Variants in SPIRE2 observed in about 807,000 individuals in gnomAD.
SPIRE2 encodes protein spire homolog 2.
In SPIRE2, 76 loss-of-function variants were observed where a neutral mutation model predicts 80.7. That is an observed-to-expected ratio of 0.94 (90% CI 0.78 to 1.14). The LOEUF (loss-of-function observed/expected upper bound fraction) is 1.14, where lower values mean the gene tolerates loss of function less well. Ranked by LOEUF, SPIRE2 falls within the 50% of genes most tolerant of loss-of-function variation. The pLI is 0.00. For synonymous variants in SPIRE2, 535 were observed against 432.6 expected (o/e 1.24, Z -2.94); for missense variants, 1,196 against 1,015.3 (o/e 1.18, Z -2.42).
At chr16:89,869,997 G>T (rs946989801) in intron 14 of SPIRE2, 53 bp from the exon 15 acceptor site, 12 of 1,493,256 alleles carry the variant, frequency 8.0e-6, no homozygotes, top group Non-Finnish European at 1.0e-5. Flanking sequence ...CAGGGAGGGG[G>T]GTGTGGCACC....
At position 89,867,587 on chromosome 16, in the gene SPIRE2, ATTT is replaced by A. The variant is rs71137685; in HGVS notation, c.1779-589_1779-587del. On this transcript the variant is annotated intron_variant, in intron 12 of 14. Coordinates refer to ENST00000378247, the MANE Select transcript of SPIRE2 (RefSeq NM_032451.2). ...CTGCTTAAGAGGGACTTTTACCACC[ATTT>A]TTTTTTTTTTTTGAGACAGAGTTTC... is the stretch of plus-strand genomic sequence containing the variant. Among the ~76,000 whole-genome samples the A allele has an allele frequency of 1.3e-3, 182 of 139,604 alleles. 1 individual carries two copies. The highest frequency in any genetic ancestry group is 4.7e-3 in the African/African-American group (179 of 37,846). The allele number at this position is 139,604 out of a possible 152,430, so 91.6% of individuals were successfully genotyped here.
rs2143819823 is a variant in SPIRE2, at chr16:89,859,199, A to G, written c.1307A>G (p.Lys436Arg). The change falls in exon 9 of 15, where the codon AAA (lysine) becomes AGA (arginine). Residue 436 changes from lysine (K) to arginine (R), a missense_variant. Lys to Arg is a conservative substitution (Grantham distance 26). Coordinates refer to ENST00000378247, the MANE Select transcript of SPIRE2 (RefSeq NM_032451.2). The stretch of plus-strand genomic sequence containing the variant: ...TCTCCGTGTGGGGAGGTGACGCTGA[A>G]ACGGGACCGCTCCTTCTCAGAGCAT... ...EESPCGEVTLKRDRSFSEHDL... is the reference protein window; with the variant it reads ...EESPCGEVTLRRDRSFSEHDL... 1.9e-6 allele frequency: 3 copies of G among 1,598,024 alleles called. No individual in the cohort carries two copies. Among genetic ancestry groups the G allele is most frequent in the Non-Finnish European group, 2.6e-6 (3 of 1,171,608 alleles).
chr16:89,840,581 G>A lies in SPIRE2; in HGVS notation c.245-4741G>A, dbSNP rs1003837443. On this transcript the variant is annotated intron_variant, in intron 1 of 14. Transcript: ENST00000378247. ...TTCAAAGTTATATTTTAATGTTACC[G>A]TAATGTTTCTCTCAAAAGTTGGAGA... Among the ~76,000 whole-genome samples the A allele has an allele frequency of 1.2e-4, 18 of 150,340 alleles. No individual in the cohort carries two copies. In the East Asian group the frequency reaches 2.2e-3, roughly 18 times the overall value.
Position 89,870,274 on chromosome 16 carries a change from A to AGCCCCAGGTGGCCAGGCCTCCAGGAG in SPIRE2, c.*5_*30dup. On this transcript the variant is annotated 3_prime_UTR_variant, in exon 15 of 15. Transcript: ENST00000378247. ...ACCAGGACTCTTGACTTCAAGTGAC[A>AGCCCCAGGTGGCCAGGCCTCCAGGAG]GCCCCAGGTGGCCAGGCCTCCAGGA... is the stretch of plus-strand genomic sequence containing the variant. 1.9e-6 allele frequency: 3 copies of AGCCCCAGGTGGCCAGGCCTCCAGGAG among 1,585,808 alleles called. No individual in the cohort carries two copies. The highest frequency in any genetic ancestry group is 2.6e-6 in the Non-Finnish European group (3 of 1,165,726).
chr16:89,859,141 G>C, intron 8 of SPIRE2, 24 bp from the exon 9 acceptor site: 1 of 1,525,754 alleles, frequency 6.6e-7, no homozygotes, highest in Non-Finnish European at 8.9e-7. Context: ...TGTCAGGGCA[G>C]GGCCGCGTCT....
chr16:89,835,149 C>T (rs918698470), intron 1 of SPIRE2, among the ~76,000 whole-genome samples: 3 of 151,438 alleles, frequency 2.0e-5, no homozygotes, highest in Admixed American at 6.6e-5. Context: ...CCCGCACTCA[C>T]GGTTGGCCGT....
At position 89,870,612 on chromosome 16, in the gene SPIRE2, G is replaced by T; in HGVS notation, c.*340G>T. On this transcript the variant is annotated 3_prime_UTR_variant, in exon 15 of 15. Transcript: ENST00000378247. ...TTCCCATGCTCTTCTCCGTCCCCAG[G>T]AATGCGAACGGCAGTTTCCCTTCCC... 1 of 205,052 alleles carries T rather than the reference G, an allele frequency of 4.9e-6. No individual in the cohort carries two copies. 12.7% of individuals were successfully genotyped at this position (205,052 alleles called of 1,614,324 possible). A position where few individuals can be genotyped will look rare whatever the true frequency, so the allele number is the denominator to read the frequency against.
intron 1 of SPIRE2, among the ~76,000 whole-genome samples, chr16:89,842,112 C>T (rs1478572721): frequency 1.3e-5 from 2 of 151,986 alleles, no homozygotes; most frequent in African/African-American, 2.4e-5. Flanking sequence ...AGGCCTCTGT[C>T]GGCCCCCAAG....
chr16:89,854,585 G>T lies in SPIRE2; in HGVS notation c.825G>T (p.Gln275His), dbSNP rs193226518. 1 of 1,611,138 alleles carries T rather than the reference G, an allele frequency of 6.2e-7. No homozygotes were observed. Among genetic ancestry groups the T allele is most frequent in the Non-Finnish European group, 8.5e-7 (1 of 1,179,100 alleles). Residue 275 changes from glutamine to histidine, a missense_variant, in exon 5 of 15, where the codon CAG (glutamine) becomes CAT (histidine). By Grantham distance (24) the Gln-to-His change is conservative. Coordinates refer to ENST00000378247, the MANE Select transcript of SPIRE2 (RefSeq NM_032451.2). ...QEFNPLPTEF[Q>H]LTPFEMLMQD... Reference sequence around the variant, plus strand: ...TCAACCCCCTCCCCACCGAGTTCCAGCTCACGCCCTTCGAGATGCTGATGC... The same window carrying T: ...TCAACCCCCTCCCCACCGAGTTCCATCTCACGCCCTTCGAGATGCTGATGC...
chr16:89,863,711 G>C lies in SPIRE2; in HGVS notation c.1711-83G>C. On this transcript the variant is annotated intron_variant, in intron 11 of 14. Transcript: ENST00000378247. This position sits in a 1 kb window ranked among gnomAD's most constrained non-coding sequence, Gnocchi z 4.3. Reference sequence around the variant, plus strand: ...GACTGTTTGCTCATGATCTGGTTGGGAGCCCTGAGGGGGTAGCAGGGACAG... The same window carrying C: ...GACTGTTTGCTCATGATCTGGTTGGCAGCCCTGAGGGGGTAGCAGGGACAG... 6.2e-7 allele frequency: 1 copy of C among 1,608,242 alleles called. No homozygotes were observed. The highest frequency in any genetic ancestry group is 2.2e-5 in the East Asian group (1 of 44,842).
chr16:89,863,938 C>T lies in SPIRE2; in HGVS notation c.1778+77C>T. Reference sequence around the variant, plus strand: ...CCTCGGGGCAGTACCGCCCACAGAACTTCCTGTGATTCCAGGAATGTTCTA... The same window carrying T: ...CCTCGGGGCAGTACCGCCCACAGAATTTCCTGTGATTCCAGGAATGTTCTA... On this transcript the variant is annotated intron_variant, in intron 12 of 14. Transcript: ENST00000378247. This position sits in a 1 kb window ranked among gnomAD's most constrained non-coding sequence, Gnocchi z 4.3. The T allele has an allele frequency of 9.1e-7, 1 of 1,104,836 alleles. No individual in the cohort carries two copies. The highest frequency in any genetic ancestry group is 1.3e-6 in the Non-Finnish European group (1 of 745,322). 68.4% of individuals were successfully genotyped at this position (1,104,836 alleles called of 1,614,324 possible). A position where few individuals can be genotyped will look rare whatever the true frequency, so the allele number is the denominator to read the frequency against.
At position 89,863,873 on chromosome 16, in the gene SPIRE2, C is replaced by T. The variant is rs776983615; in HGVS notation, c.1778+12C>T. 23 of 1,609,428 alleles carry T rather than the reference C, an allele frequency of 1.4e-5. No homozygotes were observed. The South Asian group carries it at 2.5e-4, about 18-fold the overall frequency. ...CTCTTCTGCAAGAGGTGAGCCTTCC[C>T]TTTAGCTGTCAGTTCACAAGGGAAG... On this transcript the variant is annotated intron_variant, in intron 12 of 14. Transcript: ENST00000378247. This position sits in a 1 kb window ranked among gnomAD's most constrained non-coding sequence, Gnocchi z 4.3.
At chr16:89,848,554 G>A (rs1359346315) in intron 2 of SPIRE2, among the ~76,000 whole-genome samples, 3 of 146,588 alleles carry the variant, frequency 2.0e-5, no homozygotes, top group Non-Finnish European at 3.1e-5. Flanking sequence ...GACGAGGCAG[G>A]TTCCAGGGCC....
intron 1 of SPIRE2, among the ~76,000 whole-genome samples, chr16:89,840,024 C>G (rs2041489172): frequency 6.6e-6 from 1 of 152,202 alleles, no homozygotes; most frequent in Admixed American, 6.5e-5. Flanking sequence ...GCAAGACACC[C>G]AGCGCCAGTA....
chr16:89,831,508 C>CT (rs1274720829), intron 1 of SPIRE2, among the ~76,000 whole-genome samples: 1 of 149,938 alleles, frequency 6.7e-6, no homozygotes, highest in Admixed American at 6.6e-5. Context: ...CGCCATTCTC[C>CT]TGCCTCAGCG....
At chr16:89,836,283 G>GT (rs2041448606) in intron 1 of SPIRE2, 1 of 455,844 alleles carries the variant, frequency 2.2e-6, no homozygotes. Flanking sequence ...AACTGCCACT[G>GT]TAAGCTCCTC....
At position 89,850,344 on chromosome 16, in the gene SPIRE2, A is replaced by T. The variant is rs2041610770; in HGVS notation, c.329A>T (p.Asp110Val). ...GGCTTCGCCATCTACCGCGCGCTGG[A>T]CTGGGGGCTGGACGAGAGCGAGGAG... ...SLGFAIYRALDWGLDESEERE... is the reference protein window; with the variant it reads ...SLGFAIYRALVWGLDESEERE... The change falls in exon 3 of 15, where the codon GAC becomes GTC. Residue 110 changes from aspartate (D) to valine (V), a missense_variant. Transcript: ENST00000378247. 2.5e-6 allele frequency: 4 copies of T among 1,600,842 alleles called. No homozygotes were observed. The highest frequency in any genetic ancestry group is 2.6e-6 in the Non-Finnish European group (3 of 1,175,642).
chr16:89,859,558 T>C (rs527496803), intron 9 of SPIRE2, among the ~76,000 whole-genome samples: 2 of 152,294 alleles, frequency 1.3e-5, no homozygotes, highest in South Asian at 4.1e-4. Context: ...GCATATTTAT[T>C]ATAAAAATAT....
In SPIRE2 at chr16:89,855,824, C is replaced by T. The variant is rs187196340; in HGVS notation, c.978+138C>T. 7,787 of 962,546 alleles carry T rather than the reference C, an allele frequency of 8.1e-3. 47 individuals carry two copies. The highest frequency in any genetic ancestry group is 1.0e-2 in the Non-Finnish European group (6,472 of 647,310). 59.6% of individuals were successfully genotyped at this position (962,546 alleles called of 1,614,324 possible). A position where few individuals can be genotyped will look rare whatever the true frequency, so the allele number is the denominator to read the frequency against. The stretch of plus-strand genomic sequence containing the variant: ...CAGTGCGTCTGCGTCACGGGTGAGG[C>T]GGGCTGGCTTCCTCTTGCCTGTGTG... On this transcript the variant is annotated intron_variant, in intron 6 of 14. Transcript: ENST00000378247.
Sources: allele counts gnomAD v4.1 joint callset (sites outside exome capture counted in the v4.1 genomes callset), GRCh38; gene constraint gnomAD v4.1.1; non-coding constraint Gnocchi (gnomAD v3.1); transcripts MANE v1.5; gene names NCBI Gene and HGNC (gene_info 2026-07-23, HGNC 2026-07-21).